Variants in ZNF804A observed in about 807,000 individuals in gnomAD.
ZNF804A encodes zinc finger protein 804A.
A neutral mutation model predicts 16.5 loss-of-function variants in ZNF804A; 2 were observed. The observed-to-expected ratio is 0.12, with a 90% CI of 0.05 to 0.38. ZNF804A has a LOEUF of 0.38. ZNF804A is among the 10% of genes least tolerant of loss of function. ZNF804A has a pLI of 0.99. For missense variants in ZNF804A, 1,473 were observed against 1,390.7 expected, an observed-to-expected ratio of 1.06 and a Z score of -0.94; for synonymous variants, 534 against 489.6, an observed-to-expected ratio of 1.09 and a Z score of -1.20.
chr2:184,732,968 A>G (rs1443275767), intron 1 of ZNF804A, among the ~76,000 whole-genome samples: 1 of 152,124 alleles, frequency 6.6e-6, no homozygotes, highest in African/African-American at 2.4e-5. Context: ...TGATCATGTC[A>G]TCTGTGAACA....
chr2:184,631,118 G>T (rs1025204943), intron 1 of ZNF804A, among the ~76,000 whole-genome samples: 1 of 151,922 alleles, frequency 6.6e-6, no homozygotes, highest in Non-Finnish European at 1.5e-5. Context: ...TATTTATTTT[G>T]TGAAATATAA....
intron 1 of ZNF804A, among the ~76,000 whole-genome samples, chr2:184,661,762 A>G (rs1311705150): frequency 1.3e-5 from 2 of 152,312 alleles, no homozygotes; most frequent in South Asian, 2.1e-4. Context: ...GGGTTTCACC[A>G]GGGACCAGTC....
At chr2:184,684,970 C>T (rs1051150179) in intron 1 of ZNF804A, among the ~76,000 whole-genome samples, 3 of 152,204 alleles carry the variant, frequency 2.0e-5, no homozygotes, top group African/African-American at 7.2e-5. Flanking sequence ...CTGAGTGTTG[C>T]TCACACCGGC....
intron 1 of ZNF804A, among the ~76,000 whole-genome samples, chr2:184,696,783 T>C (rs1224437559): frequency 1.3e-5 from 2 of 152,080 alleles, no homozygotes; most frequent in Non-Finnish European, 2.9e-5. Context: ...GTGTTCTTGC[T>C]GTGCATATAA....
intron 1 of ZNF804A, among the ~76,000 whole-genome samples, chr2:184,609,183 A>G (rs1691197990): frequency 6.6e-6 from 1 of 152,186 alleles, no homozygotes. Flanking sequence ...GTCACTGGAG[A>G]TACAGGGTAG....
At chr2:184,911,672 T>C (rs1167413040) in intron 2 of ZNF804A, among the ~76,000 whole-genome samples, 1 of 146,414 alleles carries the variant, frequency 6.8e-6, no homozygotes. Context: ...TAGTTTTCCT[T>C]GTGGAGACCT....
At chr2:184,642,033 C>A (rs1691803295) in intron 1 of ZNF804A, among the ~76,000 whole-genome samples, 2 of 152,140 alleles carry the variant, frequency 1.3e-5, no homozygotes, top group African/African-American at 2.4e-5. Flanking sequence ...CACACACACA[C>A]ACATGCACAC....
chr2:184,689,795 G>A (rs906628566), intron 1 of ZNF804A, among the ~76,000 whole-genome samples: 3 of 151,916 alleles, frequency 2.0e-5, no homozygotes, highest in Admixed American at 6.6e-5. Flanking sequence ...TTAGAATATC[G>A]TAAGATTCTG....
At chr2:184,613,924 G>GA (rs1360289291) in intron 1 of ZNF804A, among the ~76,000 whole-genome samples, 1 of 152,076 alleles carries the variant, frequency 6.6e-6, no homozygotes, top group Non-Finnish European at 1.5e-5. Flanking sequence ...CACAGAATTA[G>GA]AAAAAACTAT....
At chr2:184,873,809 T>C (rs908087971) in intron 2 of ZNF804A, among the ~76,000 whole-genome samples, 1 of 152,156 alleles carries the variant, frequency 6.6e-6, no homozygotes, top group Admixed American at 6.5e-5. Flanking sequence ...ACAACATAGA[T>C]TTAAAAAATG....
chr2:184,766,137 C>A (rs1184892598), intron 1 of ZNF804A, among the ~76,000 whole-genome samples: 2 of 151,932 alleles, frequency 1.3e-5, no homozygotes, highest in Non-Finnish European at 2.9e-5. Flanking sequence ...TGTAAACGTG[C>A]CTATTACTTT....
At chr2:184,630,510 A>G (rs769988268) in intron 1 of ZNF804A, among the ~76,000 whole-genome samples, 1 of 152,158 alleles carries the variant, frequency 6.6e-6, no homozygotes, top group African/African-American at 2.4e-5. Flanking sequence ...GTGTAATACA[A>G]TGCTTTATGT....
chr2:184,649,201 A>T (rs1207433219), intron 1 of ZNF804A, among the ~76,000 whole-genome samples: 1 of 152,184 alleles, frequency 6.6e-6, no homozygotes, highest in Non-Finnish European at 1.5e-5. Flanking sequence ...CAATAAATTA[A>T]GGCAGAATTT....
rs1203832279 is a variant in ZNF804A, at chr2:184,938,808, C to G, written c.3412C>G (p.Leu1138Val). 3.7e-6 allele frequency: 6 copies of G among 1,613,940 alleles called. No homozygotes were observed. Among genetic ancestry groups the G allele is most frequent in the Non-Finnish European group, 5.1e-6 (6 of 1,179,938 alleles). Residue 1138 changes from leucine to valine, a missense_variant, in exon 4 of 4, where the codon CTC (leucine) becomes GTC (valine). Coordinates refer to ENST00000302277, the MANE Select transcript of ZNF804A (RefSeq NM_194250.2). ...HQQFLSQIPA[L>V]TRTSLPQLSV... ...ACAGTTTCTTTCCCAAATCCCAGCT[C>G]TCACCAGAACCTCATTACCTCAGCT...
intron 1 of ZNF804A, among the ~76,000 whole-genome samples, chr2:184,849,326 A>G (rs1695567679): frequency 1.3e-5 from 2 of 152,062 alleles, no homozygotes; most frequent in Non-Finnish European, 2.9e-5. Context: ...AGGCTGAGGC[A>G]TAACGCAGTC....
chr2:184,911,041 T>A (rs1685347775), intron 2 of ZNF804A, among the ~76,000 whole-genome samples: 4 of 152,000 alleles, frequency 2.6e-5, no homozygotes, highest in Admixed American at 2.6e-4. Flanking sequence ...TAGTCATAAA[T>A]TCTTTCCCAA....
chr2:184,672,576 T>C (rs1435902348), intron 1 of ZNF804A, among the ~76,000 whole-genome samples: 1 of 152,230 alleles, frequency 6.6e-6, no homozygotes, highest in African/African-American at 2.4e-5. Context: ...AATCTCTGGA[T>C]TCTAGATGAC....
At chr2:184,872,530 A>G (rs1427832502) in intron 2 of ZNF804A, among the ~76,000 whole-genome samples, 1 of 152,216 alleles carries the variant, frequency 6.6e-6, no homozygotes, top group Non-Finnish European at 1.5e-5. Flanking sequence ...AATAGACCAT[A>G]TATGATAAAC....
At chr2:184,799,347 A>G (rs12993031) in intron 1 of ZNF804A, among the ~76,000 whole-genome samples, 151,740 of 152,202 alleles carry the variant, frequency 1, 75,641 homozygotes, top group Non-Finnish European at 1. Flanking sequence ...ACTCATATAA[A>G]CCCCACTTAG....
Sources: gnomAD v4.1 joint callset for allele counts (sites outside exome capture counted in the v4.1 genomes callset) on GRCh38, gnomAD v4.1.1 for gene constraint, MANE v1.5 for transcripts, NCBI Gene and HGNC (gene_info 2026-07-23, HGNC 2026-07-21) for gene names.